PTPN4: variants seen among roughly 807,000 people sequenced by gnomAD.
PTPN4 encodes tyrosine-protein phosphatase non-receptor type 4.
In PTPN4, 49 loss-of-function variants were observed where a neutral mutation model predicts 135.5. That is an observed-to-expected ratio of 0.36 (90% CI 0.29 to 0.46). The LOEUF is 0.46. Ranked by LOEUF, PTPN4 falls within the 20% of genes least tolerant of loss-of-function variation. The pLI is 1.00. For synonymous variants in PTPN4, 333 were observed against 369.9 expected (o/e 0.90, Z 1.14); for missense variants, 860 against 1,101.0 (o/e 0.78, Z 3.10).
rs1229399901 is a variant in PTPN4 at position 119,760,251 on chromosome 2, G to A, written c.-151G>A. On this transcript the variant is annotated 5_prime_UTR_variant, in exon 1 of 27. Transcript: ENST00000263708. ...GGCGGCTCCGGGTCGTGGCGCGACC[G>A]CTGCGGCGGCGGCTGCTCGGGGGGC... 5.0e-6 allele frequency: 2 copies of A among 396,430 alleles called. No homozygotes were observed. The highest frequency in any genetic ancestry group is 4.5e-6 in the Non-Finnish European group (1 of 224,654). 24.6% of individuals were successfully genotyped at this position (396,430 alleles called of 1,614,324 possible).
At chr2:119,867,155 T>C (rs1677845054) in intron 3 of PTPN4, among the ~76,000 whole-genome samples, 1 of 152,170 alleles carries the variant, frequency 6.6e-6, no homozygotes, top group Non-Finnish European at 1.5e-5. Context: ...CATTACATGA[T>C]ATCATGAAAA....
rs185944629 is a variant in PTPN4, at chr2:119,894,072, A to G, written c.676-6646A>G. Among the ~76,000 whole-genome samples the G allele has an allele frequency of 1.4e-4, 21 of 152,302 alleles. No individual in the cohort carries two copies. The East Asian group carries it at 3.5e-3, about 25-fold the overall frequency. ...AATCCTTACAACAGCCTTGTGAGGC[A>G]GGAGTATTATTATCTCCACTTTACA... On this transcript the variant is annotated intron_variant, in intron 9 of 26. Transcript: ENST00000263708.
At position 119,980,886 on chromosome 2, in the gene PTPN4, AC is replaced by A. The variant is rs1459039893; in HGVS notation, c.*3817del. ...TTTTTAAAAGCACTCAAAACATAGA[AC>A]TAAGATTTAGAATATATGTCCATTT... On this transcript the variant is annotated 3_prime_UTR_variant, in exon 27 of 27. Coordinates refer to ENST00000263708, the MANE Select transcript of PTPN4 (RefSeq NM_002830.4). The A allele has an allele frequency of 6.6e-6, 1 of 152,032 alleles. No individual in the cohort carries two copies. The highest frequency in any genetic ancestry group is 1.5e-5 in the Non-Finnish European group (1 of 67,916). The allele number at this position is 152,032 out of a possible 1,614,324, so 9.4% of individuals were successfully genotyped here.
chr2:119,844,219 A>T (rs1309123832), intron 2 of PTPN4, among the ~76,000 whole-genome samples: 2 of 106,006 alleles, frequency 1.9e-5, no homozygotes, highest in African/African-American at 3.6e-5. Context: ...ACTTCCCAGT[A>T]GGGGCGGGCG....
At chr2:119,878,795 T>C (rs992531537) in intron 5 of PTPN4, among the ~76,000 whole-genome samples, 4 of 151,692 alleles carry the variant, frequency 2.6e-5, no homozygotes, top group African/African-American at 7.3e-5. Flanking sequence ...CTAATTCCTC[T>C]TGAAAAACTA....
intron 2 of PTPN4, among the ~76,000 whole-genome samples, chr2:119,825,063 A>G (rs1054734865): frequency 4.6e-5 from 7 of 152,194 alleles, no homozygotes; most frequent in Admixed American, 6.5e-5. Flanking sequence ...TTTCCTACGT[A>G]TATACTTATT....
intron 2 of PTPN4, among the ~76,000 whole-genome samples, chr2:119,854,452 C>T (rs924483513): frequency 2.0e-5 from 3 of 152,160 alleles, no homozygotes; most frequent in Admixed American, 6.5e-5. Context: ...AATATTCCCC[C>T]CTGAGGAGAT....
intron 19 of PTPN4, among the ~76,000 whole-genome samples, chr2:119,954,249 C>T (rs182282394): frequency 1.3e-5 from 2 of 152,286 alleles, no homozygotes; most frequent in Admixed American, 1.3e-4. Context: ...AAAGAGGCCC[C>T]TACCTTGGCT....
At chr2:119,879,853 A>G (rs1314671499) in intron 5 of PTPN4, among the ~76,000 whole-genome samples, 1 of 152,198 alleles carries the variant, frequency 6.6e-6, no homozygotes, top group Non-Finnish European at 1.5e-5. Context: ...GAATCTGCTC[A>G]GTAATTCTTT....
At chr2:119,973,572 A>G in intron 26 of PTPN4, among the ~76,000 whole-genome samples, 1 of 151,120 alleles carries the variant, frequency 6.6e-6, no homozygotes, top group Admixed American at 6.6e-5. Flanking sequence ...TTAAAATCAG[A>G]ATTCAGATAT....
intron 9 of PTPN4, among the ~76,000 whole-genome samples, chr2:119,895,888 G>C (rs1224182604): frequency 6.7e-6 from 1 of 149,350 alleles, no homozygotes; most frequent in Non-Finnish European, 1.5e-5. Context: ...CTGCACTCCA[G>C]CCTGGGCAAT....
chr2:119,796,628 G>A (rs1194886674), intron 1 of PTPN4, among the ~76,000 whole-genome samples: 1 of 152,098 alleles, frequency 6.6e-6, no homozygotes, highest in Non-Finnish European at 1.5e-5. Context: ...TTAGATGCTT[G>A]TTTCCAGTTT....
chr2:119,966,674 C>T (rs1679450323), intron 25 of PTPN4, among the ~76,000 whole-genome samples: 3 of 152,360 alleles, frequency 2.0e-5, no homozygotes, highest in South Asian at 4.1e-4. Context: ...AGATTCCCTT[C>T]CTTCTTCCTT....
At chr2:119,869,815 A>C (rs1341949582) in intron 3 of PTPN4, among the ~76,000 whole-genome samples, 1 of 152,178 alleles carries the variant, frequency 6.6e-6, no homozygotes, top group Non-Finnish European at 1.5e-5. Flanking sequence ...CAGACAAGAA[A>C]TTTTCAAGAT....
At chr2:119,904,573 G>A (rs568507671) in intron 10 of PTPN4, among the ~76,000 whole-genome samples, 26 of 152,170 alleles carry the variant, frequency 1.7e-4, no homozygotes, top group Admixed American at 4.6e-4. Context: ...CATTCAACCC[G>A]AAAAGGTCTC....
intron 10 of PTPN4, among the ~76,000 whole-genome samples, chr2:119,901,853 G>A (rs1199591381): frequency 6.6e-6 from 1 of 152,120 alleles, no homozygotes; most frequent in African/African-American, 2.4e-5. Flanking sequence ...AATGCCTTTG[G>A]TCTTATCGGT....
At chr2:119,833,024 GTTTTTC>G (rs893926904) in intron 2 of PTPN4, among the ~76,000 whole-genome samples, 4 of 152,070 alleles carry the variant, frequency 2.6e-5, no homozygotes, top group Admixed American at 1.3e-4. Context: ...TTAACCACTT[GTTTTTC>G]TTTAATGGTT....
Position 119,926,010 on chromosome 2 carries a change from A to G in PTPN4, c.1002-588A>G, listed in dbSNP as rs753499023. Among the ~76,000 whole-genome samples, 45 of 152,292 alleles carry G rather than the reference A, an allele frequency of 3.0e-4. No homozygotes were observed. In the Middle Eastern group the frequency reaches 0.01, roughly 35 times the overall value. On this transcript the variant is annotated intron_variant, in intron 12 of 26. Coordinates refer to ENST00000263708, the MANE Select transcript of PTPN4 (RefSeq NM_002830.4). ...AGTGCCATTCAGTTCATATTTACTG[A>G]TATTTATCCATGGAAAATGGTCTTA...
intron 26 of PTPN4, among the ~76,000 whole-genome samples, chr2:119,971,393 T>G (rs949022161): frequency 2.6e-5 from 4 of 152,234 alleles, no homozygotes; most frequent in Admixed American, 2.0e-4. Flanking sequence ...GACATGAGAT[T>G]TGGGTGAGGA....
Sources: allele counts gnomAD v4.1 joint callset (sites outside exome capture counted in the v4.1 genomes callset), GRCh38; gene constraint gnomAD v4.1.1; transcripts MANE v1.5; gene names NCBI Gene and HGNC (gene_info 2026-07-23, HGNC 2026-07-21).